The following MGST1 variants were observed in gnomAD, a reference collection of about 807,000 sequenced individuals.
MGST1 encodes microsomal glutathione S-transferase 1, also known as glutathione S-transferase 12.
Under a neutral mutation model 8.9 loss-of-function variants are expected in MGST1, and 5 were observed. That is an observed-to-expected ratio of 0.56 (90% CI 0.29 to 1.19). The LOEUF is 1.19. Among genes scored for constraint, MGST1 ranks in the 50% most tolerant of loss-of-function variants. The pLI is 0.08. For missense variants in MGST1, 182 were observed against 187.4 expected (o/e 0.97, Z 0.17); for synonymous variants, 54 against 67.8 (o/e 0.80, Z 1.00).
chr12:16,459,188 C>A (rs1053672169), intron 4 of MGST1, among the ~76,000 whole-genome samples: 2 of 152,100 alleles, frequency 1.3e-5, no homozygotes, highest in Non-Finnish European at 2.9e-5. Flanking sequence ...TTCCTTTCTA[C>A]TTCCTAATAG....
rs1940994175 is a variant in MGST1, at chr12:16,437,213, G to A, written n.779-175G>A. Among the ~76,000 whole-genome samples the A allele has an allele frequency of 2.0e-5, 3 of 151,880 alleles. No homozygotes were observed. The South Asian group carries it at 6.2e-4, about 31-fold the overall frequency. On this transcript the variant is annotated intron_variant and non_coding_transcript_variant, in intron 1 of 1. Transcript: ENST00000359720. ...AGAAGAAATGCTATGAACTAAAGGA[G>A]GGTGACTCTAATCAACAAAAGGGTA...
chr12:16,435,164 C>T (rs1191612586), intron 1 of MGST1, among the ~76,000 whole-genome samples: 1 of 151,958 alleles, frequency 6.6e-6, no homozygotes, highest in Non-Finnish European at 1.5e-5. Flanking sequence ...AAACATTTCA[C>T]AGCACATTCT....
At chr12:16,466,138 C>T (rs1415572121) in intron 4 of MGST1, among the ~76,000 whole-genome samples, 1 of 152,130 alleles carries the variant, frequency 6.6e-6, no homozygotes, top group Non-Finnish European at 1.5e-5. Context: ...TGGATTAAAA[C>T]AGCCATAAGT....
chr12:16,382,620 C>T (rs916499893), upstream of MGST1, among the ~76,000 whole-genome samples: 2 of 152,202 alleles, frequency 1.3e-5, no homozygotes, highest in Non-Finnish European at 2.9e-5. Context: ...TGCCCGTTCT[C>T]AGATCTCAAG....
intron 4 of MGST1, among the ~76,000 whole-genome samples, chr12:16,557,459 T>C (rs892461371): frequency 6.6e-6 from 1 of 151,780 alleles, no homozygotes; most frequent in Non-Finnish European, 1.5e-5. Context: ...AGGAGAATAA[T>C]TGGTATAACT....
At chr12:16,533,289 A>G (rs1382419003) in intron 4 of MGST1, among the ~76,000 whole-genome samples, 3 of 152,166 alleles carry the variant, frequency 2.0e-5, no homozygotes, top group Non-Finnish European at 4.4e-5. Context: ...GAGGCTGTAC[A>G]CACCTCATAG....
intron 1 of MGST1, among the ~76,000 whole-genome samples, chr12:16,386,063 G>A (rs1940501285): frequency 1.3e-5 from 2 of 152,150 alleles, no homozygotes; most frequent in Admixed American, 1.3e-4. Flanking sequence ...GGGCTACCCA[G>A]CTCTATTTCA....
chr12:16,526,139 T>G (rs1031629196), intron 4 of MGST1, among the ~76,000 whole-genome samples: 25 of 149,816 alleles, frequency 1.7e-4, no homozygotes, highest in Admixed American at 1.4e-3. Flanking sequence ...GCAGAAGCTC[T>G]TTAGTTTAAT....
upstream of MGST1, among the ~76,000 whole-genome samples, chr12:16,347,367 A>C (rs201852115): frequency 6.6e-6 from 1 of 152,194 alleles, no homozygotes; most frequent in Non-Finnish European, 1.5e-5. This position sits in a 1 kb window ranked among gnomAD's most constrained non-coding sequence, Gnocchi z 4.0. Context: ...AACTCTGCTG[A>C]TCCTGAAATG....
intron 4 of MGST1, among the ~76,000 whole-genome samples, chr12:16,583,611 G>A (rs1943232040): frequency 6.6e-6 from 1 of 152,186 alleles, no homozygotes; most frequent in Non-Finnish European, 1.5e-5. Context: ...CAGATAAAAT[G>A]TAAGAGGCTG....
chr12:16,365,409 T>C (rs1940167500), downstream of MGST1, among the ~76,000 whole-genome samples: 1 of 152,232 alleles, frequency 6.6e-6, no homozygotes, highest in Non-Finnish European at 1.5e-5. Flanking sequence ...ATTTTAAATA[T>C]GTATTTCTCA....
intron 4 of MGST1, among the ~76,000 whole-genome samples, chr12:16,565,418 A>G (rs959584577): frequency 6.6e-6 from 1 of 152,192 alleles, no homozygotes; most frequent in African/African-American, 2.4e-5. Context: ...TAAACATTCA[A>G]TTCTTTTGTT....
intron 4 of MGST1, among the ~76,000 whole-genome samples, chr12:16,481,495 G>A (rs1409506278): frequency 1.3e-5 from 2 of 152,146 alleles, no homozygotes; most frequent in Non-Finnish European, 2.9e-5. Flanking sequence ...ATCTTTAGGT[G>A]TTCTAAAAAG....
chr12:16,357,447 T>A (rs374744136), intron 2 of MGST1, 158 bp from the exon 3 acceptor site: 7 of 567,830 alleles, frequency 1.2e-5, no homozygotes, highest in South Asian at 7.6e-5. Flanking sequence ...TTTAAAAAAA[T>A]TTGTAGATAT....
At chr12:16,412,221 T>C (rs1247062404) in intron 1 of MGST1, among the ~76,000 whole-genome samples, 2 of 152,188 alleles carry the variant, frequency 1.3e-5, no homozygotes, top group Non-Finnish European at 2.9e-5. Flanking sequence ...AATGTGACCA[T>C]GAGTACAATC....
chr12:16,457,405 A>G (rs1423542659), intron 4 of MGST1, among the ~76,000 whole-genome samples: 1 of 151,926 alleles, frequency 6.6e-6, no homozygotes, highest in Non-Finnish European at 1.5e-5. Context: ...TAAATACCCT[A>G]GTTTATAATT....
chr12:16,532,242 C>T (rs1360319871), intron 4 of MGST1, among the ~76,000 whole-genome samples: 1 of 152,088 alleles, frequency 6.6e-6, no homozygotes, highest in Admixed American at 6.5e-5. Context: ...ACCTCTCTCC[C>T]ATTTCTGATT....
At chr12:16,368,388 T>A (rs1262587755), downstream of MGST1, among the ~76,000 whole-genome samples, 1 of 152,156 alleles carries the variant, frequency 6.6e-6, no homozygotes, top group Non-Finnish European at 1.5e-5. Context: ...TGGTGAGAAG[T>A]GAGGCAATTT....
chr12:16,439,574 T>C (rs771224202), downstream of MGST1, among the ~76,000 whole-genome samples: 8 of 151,842 alleles, frequency 5.3e-5, no homozygotes, highest in Non-Finnish European at 1.2e-4. Context: ...TGGTGCCTGA[T>C]ATACTCCTGT....
Sources: allele counts gnomAD v4.1 joint callset (sites outside exome capture counted in the v4.1 genomes callset), GRCh38; gene constraint gnomAD v4.1.1; non-coding constraint Gnocchi (gnomAD v3.1); transcripts MANE v1.5; gene names NCBI Gene and HGNC (gene_info 2026-07-23, HGNC 2026-07-21).